Variants in XRN1 observed in about 807,000 individuals in gnomAD.
The protein encoded by XRN1 is strand-exchange protein 1 homolog.
Under a neutral mutation model 222.3 loss-of-function variants are expected in XRN1, and 67 were observed. The ratio of observed to expected loss-of-function variants is 0.30; its 90% confidence interval spans 0.25 to 0.37. The LOEUF (loss-of-function observed/expected upper bound fraction) is 0.37. Among genes scored for constraint, XRN1 ranks in the 10% least tolerant of loss-of-function variants. The probability of loss-of-function intolerance (pLI) is 1.00; values close to 1 mark genes in which losing one functional copy is unlikely to be tolerated. For synonymous variants in XRN1, 643 were observed against 652.4 expected (o/e 0.99, Z 0.22); for missense variants, 1,707 against 2,000.2 (o/e 0.85, Z 2.80).
chr3:142,326,059 T>C (rs1241534928), intron 37 of XRN1, among the ~76,000 whole-genome samples: 1 of 152,138 alleles, frequency 6.6e-6, no homozygotes, highest in African/African-American at 2.4e-5. Context: ...TTGTTTTGGT[T>C]ATGTAACTTT....
At chr3:142,338,577 G>A (rs2065908040) in intron 33 of XRN1, among the ~76,000 whole-genome samples, 1 of 152,128 alleles carries the variant, frequency 6.6e-6, no homozygotes, top group South Asian at 2.1e-4. Context: ...AAAGCAGAGG[G>A]AAAAGTAAAG....
chr3:142,369,547 C>A (rs1286081378), intron 27 of XRN1, among the ~76,000 whole-genome samples: 1 of 151,216 alleles, frequency 6.6e-6, no homozygotes, highest in Admixed American at 6.6e-5. Flanking sequence ...ACATGGGAGG[C>A]TGAGGCAGAA....
intron 21 of XRN1, among the ~76,000 whole-genome samples, chr3:142,383,926 G>A (rs760042166): frequency 4.6e-5 from 7 of 152,152 alleles, no homozygotes; most frequent in Non-Finnish European, 5.9e-5. Context: ...TAAAATTCAA[G>A]GGTGTAAGTT....
chr3:142,332,936 C>G, intron 35 of XRN1, 31 bp downstream of exon 35: 1 of 1,607,818 alleles, frequency 6.2e-7, no homozygotes, highest in Non-Finnish European at 8.5e-7. Context: ...GAGAAATTAC[C>G]ACAGTAAGAA....
chr3:142,335,343 C>G, intron 34 of XRN1, 105 bp downstream of exon 34: 1 of 1,075,216 alleles, frequency 9.3e-7, no homozygotes, highest in Non-Finnish European at 1.4e-6. Flanking sequence ...GGCCACACAC[C>G]TTATAAATTT....
rs558128801 is a variant in XRN1, at chr3:142,399,102, T to C, written c.2207+1342A>G. Among the ~76,000 whole-genome samples, 4 of 152,004 alleles carry C rather than the reference T, an allele frequency of 2.6e-5. No homozygotes were observed. The South Asian group carries it at 8.3e-4, about 32-fold the overall frequency. On this transcript the variant is annotated intron_variant, in intron 19 of 40. Coordinates refer to ENST00000392981, the MANE Select transcript of XRN1 (RefSeq NM_001282857.2). ...TGTTCATGGATAAGAATATTCAACA[T>C]AGTTAAATCTCCCCAAATTGATCTA...
chr3:142,406,808 A>G (rs975102846), intron 15 of XRN1, among the ~76,000 whole-genome samples: 1 of 151,976 alleles, frequency 6.6e-6, no homozygotes, highest in African/African-American at 2.4e-5. Flanking sequence ...AGCCATAAAC[A>G]TTATTTTTGA....
chr3:142,424,524 G>A (rs1213144522), intron 5 of XRN1, among the ~76,000 whole-genome samples: 1 of 152,140 alleles, frequency 6.6e-6, no homozygotes, highest in African/African-American at 2.4e-5. Context: ...AAACATTTAT[G>A]AGGCAATCAG....
intron 37 of XRN1, among the ~76,000 whole-genome samples, chr3:142,327,616 T>C (rs933706081): frequency 1.3e-5 from 2 of 152,144 alleles, no homozygotes; most frequent in African/African-American, 4.8e-5. Flanking sequence ...ATCTTTATCA[T>C]TTCTTTTCTT....
chr3:142,399,042 A>G (rs2068030236), intron 19 of XRN1, among the ~76,000 whole-genome samples: 1 of 152,080 alleles, frequency 6.6e-6, no homozygotes, highest in Admixed American at 6.5e-5. Flanking sequence ...ATGATGAGAG[A>G]AATCAAAGAT....
At chr3:142,441,270 C>T (rs1056019720) in intron 1 of XRN1, among the ~76,000 whole-genome samples, 4 of 152,258 alleles carry the variant, frequency 2.6e-5, no homozygotes, top group East Asian at 1.9e-4. Flanking sequence ...CCAGGTACGG[C>T]AAAATAGCCA....
intron 22 of XRN1, among the ~76,000 whole-genome samples, chr3:142,382,534 ACTCC>A (rs1269732179): frequency 6.6e-6 from 1 of 151,990 alleles, no homozygotes; most frequent in Non-Finnish European, 1.5e-5. Context: ...TACATGACAT[ACTCC>A]CACCATTCTT....
intron 13 of XRN1, 91 bp downstream of exon 13, chr3:142,417,049 A>C: frequency 1.2e-6 from 1 of 800,482 alleles, no homozygotes; most frequent in Non-Finnish European, 1.9e-6. Flanking sequence ...TACCATAAGT[A>C]GAAATAAAAG....
intron 2 of XRN1, among the ~76,000 whole-genome samples, chr3:142,428,896 G>A (rs895752818): frequency 6.6e-6 from 1 of 152,100 alleles, no homozygotes; most frequent in African/African-American, 2.4e-5. Context: ...CATCAGCAGA[G>A]ACATAGTAAT....
intron 5 of XRN1, 33 bp downstream of exon 5, chr3:142,425,189 G>C (rs2069196006): frequency 7.0e-7 from 1 of 1,420,922 alleles, no homozygotes; most frequent in African/African-American, 1.5e-5. Flanking sequence ...AACTATCAAT[G>C]CATAAGTTTA....
chr3:142,425,449 T>G lies in XRN1; in HGVS notation c.496A>C (p.Ile166Leu). ...STDKSWQGVT[I>L]YFSGHETPGE... ...ATAACCTCATGGCCTGAGAAGTAGA[T>G]GGTAACTCCTTGCCATGACTTGTCT... The change falls in exon 4 of 41, where the codon ATC (isoleucine) becomes CTC (leucine). Residue 166 changes from isoleucine to leucine, a missense_variant. Physicochemically the swap from Ile to Leu is conservative, Grantham distance 5 (BLOSUM62 2). This residue lies in a region of XRN1 where 1,234 missense variants were observed against 1,518.2 expected (regional missense o/e 0.81). Transcript: ENST00000392981. The G allele has an allele frequency of 6.2e-7, 1 of 1,612,872 alleles. No individual in the cohort carries two copies. Among genetic ancestry groups the G allele is most frequent in the Non-Finnish European group, 8.5e-7 (1 of 1,179,280 alleles).
rs138964045 is a variant in XRN1, at chr3:142,403,858, T to C, written c.2004+11A>G. On this transcript the variant is annotated intron_variant, in intron 17 of 40. Coordinates refer to ENST00000392981, the MANE Select transcript of XRN1 (RefSeq NM_001282857.2). ...TAAAGTGAAAAAATTCTGAACTAAA[T>C]AGCCACTGACTTTGTGTCTGATGTG... 2.9e-4 allele frequency: 466 copies of C among 1,612,430 alleles called. 1 individual carries two copies. The African/African-American group carries it at 5.2e-3, about 18-fold the overall frequency.
Position 142,432,199 on chromosome 3 carries a change from T to TATATATAATTTATTATATATATAA in XRN1, c.308+461_308+462insTTATATATATAATAAATTATATAT, listed in dbSNP as rs1197010818. 4.7e-3 allele frequency among the ~76,000 whole-genome samples: 468 copies of TATATATAATTTATTATATATATAA among 99,598 alleles called. 17 individuals are homozygous for TATATATAATTTATTATATATATAA. Among genetic ancestry groups the TATATATAATTTATTATATATATAA allele is most frequent in the African/African-American group, 0.018 (459 of 25,122 alleles). 65.3% of individuals were successfully genotyped at this position (99,598 alleles called of 152,430 possible). ...AAATGTTTTATATATAAAATTTATT[T>TATATATAATTTATTATATATATAA]TATATATAATTAATTATATATATAA... is the stretch of plus-strand genomic sequence containing the variant. On this transcript the variant is annotated intron_variant, in intron 2 of 40. Transcript: ENST00000392981.
At chr3:142,420,896 A>G (rs1559869289) in intron 10 of XRN1, 120 bp downstream of exon 10, 2 of 1,276,756 alleles carry the variant, frequency 1.6e-6, no homozygotes, top group Non-Finnish European at 2.2e-6. Context: ...AAATGCCTAT[A>G]GAGAGGAAGA....
Sources: allele counts gnomAD v4.1 joint callset (sites outside exome capture counted in the v4.1 genomes callset), GRCh38; gene constraint gnomAD v4.1.1; regional missense constraint gnomAD v4.1.1; transcripts MANE v1.5; gene names NCBI Gene and HGNC (gene_info 2026-07-23, HGNC 2026-07-21).